TSHZ2: variants seen among roughly 807,000 people sequenced by gnomAD.
TSHZ2 encodes teashirt zinc finger homeobox 2.
Under a neutral mutation model 74.4 loss-of-function variants are expected in TSHZ2, and 21 were observed. The ratio of observed to expected loss-of-function variants is 0.28; its 90% confidence interval spans 0.20 to 0.41. The LOEUF is 0.41. Ranked by LOEUF, TSHZ2 falls within the 10% of genes least tolerant of loss-of-function variation. The pLI, the probability that TSHZ2 is intolerant of heterozygous loss-of-function variation, is 1.00. For missense variants in TSHZ2, 1,244 were observed against 1,293.5 expected, an observed-to-expected ratio of 0.96 and a Z score of 0.59; for synonymous variants, 540 against 515.3, an observed-to-expected ratio of 1.05 and a Z score of -0.65.
chr20:53,142,355 G>A (rs1987423666), intron 1 of TSHZ2, among the ~76,000 whole-genome samples: 1 of 152,150 alleles, frequency 6.6e-6, no homozygotes, highest in Non-Finnish European at 1.5e-5. Context: ...GAGAACAGAA[G>A]GCCACGTGCT....
intron 2 of TSHZ2, among the ~76,000 whole-genome samples, chr20:53,383,684 C>T (rs1981940455): frequency 6.6e-6 from 1 of 152,072 alleles, no homozygotes; most frequent in African/African-American, 2.4e-5. Flanking sequence ...TCTCTTGAAC[C>T]CTGGAGGTGG....
intron 1 of TSHZ2, among the ~76,000 whole-genome samples, chr20:53,063,398 A>T (rs1384711956): frequency 6.6e-6 from 1 of 152,224 alleles, no homozygotes; most frequent in African/African-American, 2.4e-5. Flanking sequence ...TATAGATATT[A>T]TGCATTTAAA....
Position 53,255,785 on chromosome 20 carries a change from A to C in TSHZ2, c.2327A>C (p.Glu776Ala). 6.2e-7 allele frequency: 1 copy of C among 1,614,002 alleles called. No homozygotes were observed. The highest frequency in any genetic ancestry group is 8.5e-7 in the Non-Finnish European group (1 of 1,179,968). Residue 776 changes from glutamate to alanine, a missense_variant, in exon 2 of 3, where the codon GAG (glutamate) becomes GCG (alanine). Physicochemically the swap from Glu to Ala is moderately radical, Grantham distance 107 (BLOSUM62 -1). Coordinates refer to ENST00000371497, the MANE Select transcript of TSHZ2 (RefSeq NM_173485.6). This position sits in a 1 kb window ranked among gnomAD's most constrained non-coding sequence, Gnocchi z 4.1. Reference sequence around the variant, plus strand: ...ACCAAGTCCAAAAGCAAGAAAGCCGAGTCCTCGCAAGCACAATCTTGTATG... The same window carrying C: ...ACCAAGTCCAAAAGCAAGAAAGCCGCGTCCTCGCAAGCACAATCTTGTATG... ...DLTKSKSKKA[E>A]SSQAQSCMSP... is the part of the protein sequence containing the mutation.
At chr20:53,177,217 C>A (rs1263629372) in intron 1 of TSHZ2, among the ~76,000 whole-genome samples, 2 of 152,122 alleles carry the variant, frequency 1.3e-5, no homozygotes, top group Non-Finnish European at 2.9e-5. Flanking sequence ...CCTGCCTTAC[C>A]AGGGGTAAAA....
chr20:53,359,852 G>A (rs1980987019), intron 2 of TSHZ2, among the ~76,000 whole-genome samples: 1 of 152,150 alleles, frequency 6.6e-6, no homozygotes, highest in African/African-American at 2.4e-5. Context: ...TCACACCGAT[G>A]GTGAGCAACA....
At chr20:53,125,723 G>A (rs1986930765) in intron 1 of TSHZ2, among the ~76,000 whole-genome samples, 1 of 151,920 alleles carries the variant, frequency 6.6e-6, no homozygotes, top group African/African-American at 2.4e-5. Context: ...ATACAGGAAT[G>A]CAGTTACCAA....
intron 1 of TSHZ2, among the ~76,000 whole-genome samples, chr20:53,131,441 C>G (rs546275284): frequency 6.6e-6 from 1 of 152,288 alleles, no homozygotes; most frequent in South Asian, 2.1e-4. Flanking sequence ...TGCAGAAATA[C>G]CTGCTTTGCA....
intron 2 of TSHZ2, among the ~76,000 whole-genome samples, chr20:53,288,489 A>G (rs968023967): frequency 4.0e-5 from 6 of 151,884 alleles, no homozygotes; most frequent in Non-Finnish European, 8.8e-5. Context: ...ATAGAAGTCT[A>G]GTTTTCTCAC....
intron 1 of TSHZ2, among the ~76,000 whole-genome samples, chr20:53,209,205 A>G (rs1415564118): frequency 6.6e-6 from 1 of 152,128 alleles, no homozygotes; most frequent in African/African-American, 2.4e-5. Flanking sequence ...CTCCTGACTC[A>G]GCCTCCTGAG....
chr20:53,380,377 T>C (rs981888230), intron 2 of TSHZ2, among the ~76,000 whole-genome samples: 2 of 152,218 alleles, frequency 1.3e-5, no homozygotes, highest in African/African-American at 4.8e-5. Flanking sequence ...TATGAATTAT[T>C]GCTTAGAATG....
At chr20:53,264,187 A>G (rs917509205) in intron 2 of TSHZ2, among the ~76,000 whole-genome samples, 3 of 152,224 alleles carry the variant, frequency 2.0e-5, no homozygotes, top group African/African-American at 2.4e-5. Context: ...CATTTGACCT[A>G]TGGTATTTGT....
intron 1 of TSHZ2, among the ~76,000 whole-genome samples, chr20:53,103,107 A>G (rs577975771): frequency 1.3e-5 from 2 of 152,322 alleles, no homozygotes; most frequent in South Asian, 2.1e-4. Flanking sequence ...CTATAGGTCA[A>G]TTACAAAGAA....
At chr20:53,353,913 G>A (rs145079387) in intron 2 of TSHZ2, among the ~76,000 whole-genome samples, 44 of 152,294 alleles carry the variant, frequency 2.9e-4, no homozygotes, top group African/African-American at 1.0e-3. Flanking sequence ...TATTTGCCCA[G>A]GACTGAGGGG....
At chr20:53,332,320 GA>G in intron 2 of TSHZ2, among the ~76,000 whole-genome samples, 1 of 152,304 alleles carries the variant, frequency 6.6e-6, no homozygotes, top group African/African-American at 2.4e-5. Flanking sequence ...ATTAGCTATG[GA>G]AAGAACAAAG....
Position 52,974,884 on chromosome 20 carries a change from C to T in TSHZ2, c.40+1551C>T, listed in dbSNP as rs576803434. On this transcript the variant is annotated intron_variant, in intron 1 of 2. Coordinates refer to ENST00000371497, the MANE Select transcript of TSHZ2 (RefSeq NM_173485.6). Reference sequence around the variant, plus strand: ...AGCGTGGATTCATATATTTTCTGATCGTTTCCCTAAAAGCAAAATAATTAA... The same window carrying T: ...AGCGTGGATTCATATATTTTCTGATTGTTTCCCTAAAAGCAAAATAATTAA... 3.9e-5 allele frequency among the ~76,000 whole-genome samples: 6 copies of T among 152,302 alleles called. No individual in the cohort carries two copies. In the East Asian group the frequency reaches 9.6e-4, roughly 24 times the overall value.
In TSHZ2 at chr20:53,062,316, T is replaced by C. The variant is rs565339895; in HGVS notation, c.40+88983T>C. On this transcript the variant is annotated intron_variant, in intron 1 of 2. Coordinates refer to ENST00000371497, the MANE Select transcript of TSHZ2 (RefSeq NM_173485.6). ...GTATAAATATAAGAGATATTAACTA[T>C]AAACGGTCATATGGGAGGTTTTCGA... Among the ~76,000 whole-genome samples, 6 of 152,332 alleles carry C rather than the reference T, an allele frequency of 3.9e-5. No individual in the cohort carries two copies. The East Asian group carries it at 1.2e-3, about 29-fold the overall frequency.
Position 52,989,210 on chromosome 20 carries a change from G to GTT in TSHZ2, c.40+15885_40+15886dup, listed in dbSNP as rs35834574. 9.8e-5 allele frequency among the ~76,000 whole-genome samples: 14 copies of GTT among 143,194 alleles called. No homozygotes were observed. In the South Asian group the frequency reaches 1.1e-3, roughly 11 times the overall value. 93.9% of individuals were successfully genotyped at this position (143,194 alleles called of 152,430 possible). A position where few individuals can be genotyped will look rare whatever the true frequency, so the allele number is the denominator to read the frequency against. On this transcript the variant is annotated intron_variant, in intron 1 of 2. Coordinates refer to ENST00000371497, the MANE Select transcript of TSHZ2 (RefSeq NM_173485.6). ...ATTGTTTTTAGTTATTATTGGTGAT[G>GTT]TTTTTTTTTAACATTTTTGTTTATT...
At chr20:53,392,698 T>A (rs1982304316) in intron 2 of TSHZ2, among the ~76,000 whole-genome samples, 1 of 152,224 alleles carries the variant, frequency 6.6e-6, no homozygotes, top group Non-Finnish European at 1.5e-5. Flanking sequence ...TCATTCTTTT[T>A]TATTTTTTAA....
At chr20:53,304,092 G>T (rs1414552434) in intron 2 of TSHZ2, among the ~76,000 whole-genome samples, 3 of 151,556 alleles carry the variant, frequency 2.0e-5, no homozygotes, top group Non-Finnish European at 4.4e-5. Flanking sequence ...ACAATGTGCA[G>T]GTAAGTTACA....
Sources: allele counts gnomAD v4.1 joint callset (sites outside exome capture counted in the v4.1 genomes callset), GRCh38; gene constraint gnomAD v4.1.1; non-coding constraint Gnocchi (gnomAD v3.1); transcripts MANE v1.5; gene names NCBI Gene and HGNC (gene_info 2026-07-23, HGNC 2026-07-21).